The following NKAIN2 variants were observed in gnomAD, a reference collection of about 807,000 sequenced individuals.
NKAIN2 encodes the protein sodium/potassium-transporting ATPase subunit beta-1-interacting protein 2.
A neutral mutation model predicts 32.6 loss-of-function variants in NKAIN2; 14 were observed. The observed-to-expected ratio is 0.43, with a 90% confidence interval of 0.28 to 0.67. The LOEUF is 0.67. Ranked by LOEUF, NKAIN2 falls within the 30% of genes least tolerant of loss-of-function variation. The pLI, the probability that NKAIN2 is intolerant of heterozygous loss-of-function variation, is 0.17. For synonymous variants in NKAIN2, 80 were observed against 87.2 expected (o/e 0.92, Z 0.46); for missense variants, 198 against 258.3 (o/e 0.77, Z 1.60).
At chr6:123,987,710 A>G (rs910269475) in intron 1 of NKAIN2, among the ~76,000 whole-genome samples, 1 of 152,128 alleles carries the variant, frequency 6.6e-6, no homozygotes, top group Non-Finnish European at 1.5e-5. Flanking sequence ...ATTCCTTGCC[A>G]TGTGGCTCCT....
intron 3 of NKAIN2, among the ~76,000 whole-genome samples, chr6:124,402,830 T>A (rs747069337): frequency 6.6e-6 from 1 of 152,088 alleles, no homozygotes; most frequent in Non-Finnish European, 1.5e-5. Flanking sequence ...AAGGTAAAGG[T>A]GGAAAAACTA....
At chr6:124,328,236 T>A (rs1049439199) in intron 2 of NKAIN2, among the ~76,000 whole-genome samples, 10 of 152,228 alleles carry the variant, frequency 6.6e-5, no homozygotes, top group Non-Finnish European at 8.8e-5. Context: ...ACTGGACATT[T>A]GGAATATAAA....
intron 1 of NKAIN2, among the ~76,000 whole-genome samples, chr6:123,923,059 A>G (rs1775825595): frequency 1.3e-5 from 2 of 151,676 alleles, no homozygotes; most frequent in African/African-American, 2.4e-5. Context: ...CTTGCATTTC[A>G]TTTTCTTCTT....
chr6:124,313,965 A>T (rs9482532), intron 2 of NKAIN2, among the ~76,000 whole-genome samples: 3,448 of 152,152 alleles, frequency 0.023, 114 homozygotes, highest in African/African-American at 0.077. Flanking sequence ...AGATCTCTGC[A>T]AGGGATTCTC....
At chr6:124,390,278 C>G (rs1438711781) in intron 3 of NKAIN2, among the ~76,000 whole-genome samples, 1 of 152,048 alleles carries the variant, frequency 6.6e-6, no homozygotes, top group Non-Finnish European at 1.5e-5. Context: ...CAGCAGCACT[C>G]AGGGAGCTTG....
chr6:124,486,017 T>C (rs1479349514), intron 3 of NKAIN2, among the ~76,000 whole-genome samples: 1 of 152,202 alleles, frequency 6.6e-6, no homozygotes, highest in African/African-American at 2.4e-5. Context: ...CCATCCTCAA[T>C]GAGCCGACTC....
chr6:123,866,726 G>T (rs1231232003), intron 1 of NKAIN2, among the ~76,000 whole-genome samples: 2 of 152,068 alleles, frequency 1.3e-5, no homozygotes, highest in African/African-American at 4.8e-5. Context: ...CACCGCGCCC[G>T]GCCCACAGTT....
At chr6:124,262,500 T>C (rs1794299768) in intron 1 of NKAIN2, among the ~76,000 whole-genome samples, 1 of 152,152 alleles carries the variant, frequency 6.6e-6, no homozygotes, top group East Asian at 1.9e-4. Context: ...TTACAGGAAA[T>C]GCACACCAGA....
At chr6:124,024,844 G>A (rs1420787808) in intron 1 of NKAIN2, among the ~76,000 whole-genome samples, 9 of 151,804 alleles carry the variant, frequency 5.9e-5, no homozygotes, top group Admixed American at 2.0e-4. Flanking sequence ...AAAATTAGCC[G>A]AGCATGGTGG....
At chr6:124,790,335 C>T (rs1023577591) in intron 4 of NKAIN2, among the ~76,000 whole-genome samples, 42 of 151,900 alleles carry the variant, frequency 2.8e-4, no homozygotes, top group African/African-American at 9.7e-4. Flanking sequence ...CTTGTCGTGG[C>T]GGTTCCTTTT....
chr6:124,488,105 G>T (rs2114717722), intron 3 of NKAIN2, among the ~76,000 whole-genome samples: 1 of 152,150 alleles, frequency 6.6e-6, no homozygotes, highest in East Asian at 1.9e-4. Context: ...GACTAATGCA[G>T]CATGCATCAA....
chr6:124,333,737 C>G (rs909524611), intron 2 of NKAIN2, among the ~76,000 whole-genome samples: 1 of 151,956 alleles, frequency 6.6e-6, no homozygotes, highest in African/African-American at 2.4e-5. Context: ...TTTTCAAGAA[C>G]ACACTTTGTT....
intron 3 of NKAIN2, among the ~76,000 whole-genome samples, chr6:124,484,757 A>G (rs760592177): frequency 2.6e-5 from 4 of 152,242 alleles, no homozygotes; most frequent in African/African-American, 4.8e-5. Flanking sequence ...ATAAATACAT[A>G]CTTGTAAACA....
rs12196362 is a variant in NKAIN2, at chr6:124,180,857, T to C, written c.55-102148T>C. On this transcript the variant is annotated intron_variant, in intron 1 of 6. Transcript: ENST00000368417. ...GCCTGTGGCTTTTCCAGGTGCATGG[T>C]ACAAACAGTTGGTGGATCTACTATC... Among the ~76,000 whole-genome samples, 868 of 152,234 alleles carry C rather than the reference T, an allele frequency of 5.7e-3. 6 individuals are homozygous for C. Among genetic ancestry groups the C allele is most frequent in the Non-Finnish European group, 9.9e-3 (673 of 68,014 alleles).
At chr6:124,087,942 A>C (rs1014103525) in intron 1 of NKAIN2, among the ~76,000 whole-genome samples, 4 of 152,010 alleles carry the variant, frequency 2.6e-5, no homozygotes, top group African/African-American at 9.7e-5. Flanking sequence ...ATCACAGTGG[A>C]ATCCAAAAAT....
chr6:124,383,038 T>C (rs898196019), intron 3 of NKAIN2, among the ~76,000 whole-genome samples: 3 of 152,110 alleles, frequency 2.0e-5, no homozygotes, highest in African/African-American at 7.2e-5. Context: ...AGCATAGCGG[T>C]TAGCATTTTT....
chr6:124,412,359 A>G (rs1466750454), intron 3 of NKAIN2, among the ~76,000 whole-genome samples: 1 of 151,946 alleles, frequency 6.6e-6, no homozygotes, highest in African/African-American at 2.4e-5. Flanking sequence ...TTTGGTGTGG[A>G]TGTCCTTTCT....
At chr6:124,706,705 CACA>C (rs1775088192) in intron 4 of NKAIN2, among the ~76,000 whole-genome samples, 1 of 152,198 alleles carries the variant, frequency 6.6e-6, no homozygotes, top group East Asian at 1.9e-4. Context: ...ACATGGATGC[CACA>C]ACAACATGGC....
At chr6:124,356,947 G>A (rs531998227) in intron 3 of NKAIN2, among the ~76,000 whole-genome samples, 60 of 152,300 alleles carry the variant, frequency 3.9e-4, no homozygotes, top group African/African-American at 1.2e-3. Context: ...TAAGAAAAGA[G>A]AGAAAGAGAT....
Sources: allele counts gnomAD v4.1 joint callset (sites outside exome capture counted in the v4.1 genomes callset), GRCh38; gene constraint gnomAD v4.1.1; transcripts MANE v1.5; gene names NCBI Gene and HGNC (gene_info 2026-07-23, HGNC 2026-07-21).